The following ADGRG3 variants were observed in gnomAD, a reference collection of about 807,000 sequenced individuals.
ADGRG3 encodes the protein adhesion G protein-coupled receptor G3, also known as G protein-coupled receptor 97.
In ADGRG3, 39 loss-of-function variants were observed where a neutral mutation model predicts 54.3. That is an observed-to-expected ratio of 0.72 (90% CI 0.56 to 0.94). The LOEUF is 0.94. ADGRG3 is among the 40% of genes least tolerant of loss of function. The pLI, the probability that ADGRG3 is intolerant of heterozygous loss-of-function variation, is 0.00. For synonymous variants in ADGRG3, 312 were observed against 290.0 expected (o/e 1.08, Z -0.77); for missense variants, 654 against 694.6 (o/e 0.94, Z 0.66).
chr16:57,676,697 G>A (rs73552797), intron 3 of ADGRG3, among the ~76,000 whole-genome samples: 2,687 of 152,254 alleles, frequency 0.018, 101 homozygotes, highest in African/African-American at 0.061. Flanking sequence ...TGAAGGTATT[G>A]CCCACTTTCA....
At position 57,668,380 on chromosome 16, in the gene ADGRG3, C is replaced by G; in HGVS notation, c.33C>G (p.Leu11=). Residue 11 remains leucine, a synonymous_variant, in exon 1 of 12, where the codon CTC becomes CTG. Transcript: ENST00000333493. MATPRGLGAL[L]LLLLLPTSGQ... ...CGCCCAGGGGCCTGGGGGCCCTGCT[C>G]CTGCTCCTCCTGCTCCCGACCTCAG... 6.4e-7 allele frequency: 1 copy of G among 1,574,240 alleles called. No individual in the cohort carries two copies. Among genetic ancestry groups the G allele is most frequent in the Non-Finnish European group, 8.6e-7 (1 of 1,167,550 alleles).
chr16:57,669,319 T>C (rs912266796), intron 1 of ADGRG3, among the ~76,000 whole-genome samples: 1 of 152,204 alleles, frequency 6.6e-6, no homozygotes, highest in Non-Finnish European at 1.5e-5. Context: ...TTTCAAACAT[T>C]GGAAGATTCA....
intron 8 of ADGRG3, chr16:57,682,342 C>T (rs8063283): frequency 0.024 from 7,294 of 300,272 alleles, 550 homozygotes; most frequent in African/African-American, 0.16. Context: ...CTCCTGCCCC[C>T]GCATCCAGGG....
chr16:57,684,465 AC>A lies in ADGRG3; in HGVS notation c.1240del (p.Arg414AlafsTer75), dbSNP rs746828025. On this transcript the variant is annotated frameshift_variant, in exon 10 of 12. Transcript: ENST00000333493. LOFTEE classifies it high-confidence loss of function. ...CTCTACACCATCCGTGATAGGGAGA[AC>A]CGCACCTCTCTGGAGCTGTGAGTGG... The part of the protein sequence containing the change: ...YGLYTIRDRE[N>X]RTSLELCWFR... The A allele has an allele frequency of 1.2e-6, 2 of 1,613,496 alleles. No individual in the cohort carries two copies. Among genetic ancestry groups the A allele is most frequent in the South Asian group, 2.2e-5 (2 of 91,068 alleles).
chr16:57,684,030 T>C lies in ADGRG3; in HGVS notation c.980T>C (p.Val327Ala). ...FLLNLAFLVN[V>A]GSGSKGSDAA... ...CTGAATCTGGCCTTCTTGGTCAATGTGGGGAGTGGCTCAAAGGGGTCTGAT... is the reference window on the plus strand; with the variant it reads ...CTGAATCTGGCCTTCTTGGTCAATGCGGGGAGTGGCTCAAAGGGGTCTGAT... Residue 327 changes from valine to alanine, a missense_variant, in exon 9 of 12, where the codon GTG becomes GCG. Physicochemically the swap from Val to Ala is moderately conservative, Grantham distance 64. Coordinates refer to ENST00000333493, the MANE Select transcript of ADGRG3 (RefSeq NM_170776.5). The C allele has an allele frequency of 1.9e-6, 3 of 1,613,566 alleles. No individual in the cohort carries two copies. The highest frequency in any genetic ancestry group is 2.5e-6 in the Non-Finnish European group (3 of 1,179,642).
At chr16:57,684,609 A>G (rs1177509842) in intron 10 of ADGRG3, 126 bp downstream of exon 10, 17 of 644,582 alleles carry the variant, frequency 2.6e-5, no homozygotes, top group Non-Finnish European at 4.6e-5. Flanking sequence ...GACCAGAAGA[A>G]TCCTCAGATC....
Position 57,680,755 on chromosome 16 carries a change from G to C in ADGRG3, c.881+138G>C, listed in dbSNP as rs1485129836. ...GTTAGTGTCCTCATCCCAAAATGGGGTTGGGGGTTGAAATGTGTCAGAGCT... is the reference window on the plus strand; with the variant it reads ...GTTAGTGTCCTCATCCCAAAATGGGCTTGGGGGTTGAAATGTGTCAGAGCT... On this transcript the variant is annotated intron_variant, in intron 8 of 11. Transcript: ENST00000333493. 12 of 644,874 alleles carry C rather than the reference G, an allele frequency of 1.9e-5. No individual in the cohort carries two copies. The East Asian group carries it at 3.3e-4, about 18-fold the overall frequency. The allele number at this position is 644,874 out of a possible 1,614,324, so 39.9% of individuals were successfully genotyped here.
chr16:57,668,429 C>A (rs948886875), intron 1 of ADGRG3, 24 bp downstream of exon 1: 1 of 1,552,746 alleles, frequency 6.4e-7, no homozygotes, highest in Non-Finnish European at 8.7e-7. Context: ...ACCTCATCCC[C>A]TCCTGCCACG....
At chr16:57,677,943 T>C (rs73554903) in intron 3 of ADGRG3, among the ~76,000 whole-genome samples, 1,850 of 152,308 alleles carry the variant, frequency 0.012, 44 homozygotes, top group African/African-American at 0.042. Context: ...CTCTACTCTC[T>C]GTATTGGGAA....
At chr16:57,684,299 C>T (rs1597779959) in intron 9 of ADGRG3, 87 bp downstream of exon 9, 3 of 1,570,186 alleles carry the variant, frequency 1.9e-6, no homozygotes, top group East Asian at 4.5e-5. Flanking sequence ...GAGGGGTTCC[C>T]AGAGCTGGAG....
chr16:57,670,001 C>A, intron 1 of ADGRG3, among the ~76,000 whole-genome samples: 1 of 150,110 alleles, frequency 6.7e-6, no homozygotes, highest in African/African-American at 2.5e-5. Context: ...GAGGGAGTGG[C>A]CCCCTGGGCT....
At chr16:57,684,973 C>T (rs1304686501) in intron 10 of ADGRG3, among the ~76,000 whole-genome samples, 11 of 152,152 alleles carry the variant, frequency 7.2e-5, no homozygotes, top group Admixed American at 6.5e-4. Context: ...TTGGCAGGCC[C>T]GATCTCTCCC....
upstream of ADGRG3, among the ~76,000 whole-genome samples, chr16:57,665,905 T>C (rs1278789135): frequency 6.6e-6 from 1 of 152,162 alleles, no homozygotes; most frequent in Non-Finnish European, 1.5e-5. Flanking sequence ...TGTGGGATCT[T>C]GGGACCTGCA....
chr16:57,688,488 C>T lies in ADGRG3; in HGVS notation c.*27C>T, dbSNP rs1442636875. ...AAGGCACGGCCCTGCAATATGGACT[C>T]AGCTCTGGCTCTCTGTGTGACCTTG... On this transcript the variant is annotated 3_prime_UTR_variant, in exon 12 of 12. Transcript: ENST00000333493. 2 of 1,306,676 alleles carry T rather than the reference C, an allele frequency of 1.5e-6. No individual in the cohort carries two copies. The highest frequency in any genetic ancestry group is 1.5e-5 in the African/African-American group (1 of 68,584). The allele number at this position is 1,306,676 out of a possible 1,614,324, so 80.9% of individuals were successfully genotyped here.
chr16:57,668,316 A>C lies in ADGRG3; in HGVS notation c.-32A>C, dbSNP rs756834607. 2 of 1,546,068 alleles carry C rather than the reference A, an allele frequency of 1.3e-6. No individual in the cohort carries two copies. The highest frequency in any genetic ancestry group is 4.7e-5 in the East Asian group (2 of 42,518). On this transcript the variant is annotated 5_prime_UTR_variant, in exon 1 of 12. Transcript: ENST00000333493. Reference sequence around the variant, plus strand: ...TGGGGCCAGAGGGCCAGACAGCCACAGAGCTCCTGGCGTGGGCAAGGCTGG... The same window carrying C: ...TGGGGCCAGAGGGCCAGACAGCCACCGAGCTCCTGGCGTGGGCAAGGCTGG...
At chr16:57,673,532 G>T in intron 2 of ADGRG3, 64 bp downstream of exon 2, 1 of 1,473,176 alleles carries the variant, frequency 6.8e-7, no homozygotes, top group Non-Finnish European at 9.3e-7. Context: ...TATCAGGAAG[G>T]GATGGGGCCA....
Position 57,688,754 on chromosome 16 carries a change from C to CCG in ADGRG3, c.*293_*294insCG. ...TGCCCTGCCCTCATTGCAAAGCCCT[C>CCG]ACTCACCTTCTGGTCTCAGCAAGGG... On this transcript the variant is annotated 3_prime_UTR_variant, in exon 12 of 12. Transcript: ENST00000333493. The CCG allele has an allele frequency of 3.1e-6, 1 of 327,770 alleles. No homozygotes were observed. Among genetic ancestry groups the CCG allele is most frequent in the Non-Finnish European group, 5.8e-6 (1 of 171,904 alleles). The allele number at this position is 327,770 out of a possible 1,614,324, so 20.3% of individuals were successfully genotyped here.
rs762480810 is a variant in ADGRG3, at chr16:57,676,307, A to G, written c.314A>G (p.Glu105Gly). The change falls in exon 3 of 12, where the codon GAA becomes GGA. Residue 105 changes from glutamate (E) to glycine (G), a missense_variant. Physicochemically the swap from Glu to Gly is moderately conservative, Grantham distance 98 (BLOSUM62 -2). Transcript: ENST00000333493. ...CAGAACCTCAGCACCAACACTGCAG[A>G]AGACTTCTATTTCTCTCTGGAGCCC... ...LVQNLSTNTA[E>G]DFYFSLEPSQ... is the part of the protein sequence containing the mutation. 7 of 1,614,066 alleles carry G rather than the reference A, an allele frequency of 4.3e-6. No homozygotes were observed. The African/African-American group carries it at 9.3e-5, about 22-fold the overall frequency.
intron 1 of ADGRG3, among the ~76,000 whole-genome samples, chr16:57,671,454 C>A (rs2048158475): frequency 6.6e-6 from 1 of 150,890 alleles, no homozygotes; most frequent in Admixed American, 6.6e-5. Context: ...AATTCTCCTG[C>A]CTCAGCCTTC....
Sources: allele counts gnomAD v4.1 joint callset (sites outside exome capture counted in the v4.1 genomes callset), GRCh38; gene constraint gnomAD v4.1.1; transcripts MANE v1.5; gene names NCBI Gene and HGNC (gene_info 2026-07-23, HGNC 2026-07-21).